GLRA1: variants seen among roughly 807,000 people sequenced by gnomAD.
GLRA1 encodes the protein glycine receptor subunit alpha-1.
A neutral mutation model predicts 48.3 loss-of-function variants in GLRA1; 37 were observed. The ratio of observed to expected loss-of-function variants is 0.77; its 90% CI spans 0.59 to 1.01. The LOEUF is 1.01. Among genes scored for constraint, GLRA1 ranks in the 50% least tolerant of loss-of-function variants. The pLI, the probability that GLRA1 is intolerant of heterozygous loss-of-function variation, is 0.00. For synonymous variants in GLRA1, 196 were observed against 210.7 expected (o/e 0.93, Z 0.60); for missense variants, 427 against 571.0 (o/e 0.75, Z 2.57).
intron 1 of GLRA1, among the ~76,000 whole-genome samples, chr5:151,901,381 G>T (rs1308712742): frequency 2.6e-5 from 4 of 152,192 alleles, no homozygotes; most frequent in Non-Finnish European, 4.4e-5. Flanking sequence ...GTGGCCCTCA[G>T]ATGAGTTACA....
Position 151,855,101 on chromosome 5 carries a change from C to A in GLRA1, c.636G>T (p.Leu212=). Residue 212 remains leucine, a synonymous_variant, in exon 6 of 9, where the codon CTG becomes CTT. Coordinates refer to ENST00000274576, the MANE Select transcript of GLRA1 (RefSeq NM_000171.4). The part of the protein sequence containing the change: ...GAVQVADGLT[L]PQFILKEEKD... ...TCTCTTCCTTCAAGATAAACTGGGGCAGAGTTAGTCCATCTGCTACCTGCA... is the reference window on the plus strand; with the variant it reads ...TCTCTTCCTTCAAGATAAACTGGGGAAGAGTTAGTCCATCTGCTACCTGCA... The A allele has an allele frequency of 6.2e-7, 1 of 1,613,974 alleles. No homozygotes were observed.
rs1314019855 is a variant in GLRA1, at chr5:151,849,113, TTTC to T, written c.912+2274_912+2276del. On this transcript the variant is annotated intron_variant, in intron 7 of 8. Coordinates refer to ENST00000274576, the MANE Select transcript of GLRA1 (RefSeq NM_000171.4). Reference sequence around the variant, plus strand: ...CTTTTTATTTCTTTTCTTTTCTTTCTTTCTTTCTTTCTTTCTTTCTTTCTTTCT... The same window carrying T: ...CTTTTTATTTCTTTTCTTTTCTTTCTTTTCTTTCTTTCTTTCTTTCTTTCT... 3.2e-4 allele frequency: 58 copies of T among 179,436 alleles called. 3 individuals are homozygous for T. The African/African-American group carries it at 3.8e-3, about 12-fold the overall frequency. The allele number at this position is 179,436 out of a possible 1,614,324, so 11.1% of individuals were successfully genotyped here.
At position 151,908,956 on chromosome 5, in the gene GLRA1, G is replaced by C. The variant is rs113212268; in HGVS notation, c.56+15538C>G. Among the ~76,000 whole-genome samples, 1,103 of 152,222 alleles carry C rather than the reference G, an allele frequency of 7.2e-3. 5 individuals carry two copies. Among genetic ancestry groups the C allele is most frequent in the Non-Finnish European group, 0.011 (775 of 68,010 alleles). ...ACTTGAATTGCCAAGGTGCCCTAAA[G>C]GGGTCCTAGGTTGGTAAGATCACTG... On this transcript the variant is annotated intron_variant, in intron 1 of 8. Coordinates refer to ENST00000274576, the MANE Select transcript of GLRA1 (RefSeq NM_000171.4).
intron 1 of GLRA1, among the ~76,000 whole-genome samples, chr5:151,924,212 A>G (rs1409948606): frequency 3.3e-5 from 5 of 151,932 alleles, no homozygotes; most frequent in African/African-American, 1.2e-4. Flanking sequence ...TGGGGGGTGT[A>G]GCAGACAGAA....
chr5:151,908,599 T>C (rs1754532773), intron 1 of GLRA1, among the ~76,000 whole-genome samples: 1 of 152,012 alleles, frequency 6.6e-6, no homozygotes, highest in Admixed American at 6.6e-5. Context: ...AGACCTGAGT[T>C]GAGTGCTCTT....
intron 1 of GLRA1, among the ~76,000 whole-genome samples, chr5:151,902,854 T>G (rs1343104367): frequency 6.6e-6 from 1 of 152,136 alleles, no homozygotes; most frequent in Non-Finnish European, 1.5e-5. Context: ...AAAAGTGAGG[T>G]CCATAGAGAT....
At chr5:151,833,878 CAAAG>C (rs200634173) in intron 7 of GLRA1, among the ~76,000 whole-genome samples, 5,667 of 138,952 alleles carry the variant, frequency 0.041, 354 homozygotes, top group African/African-American at 0.14. Flanking sequence ...TCAAAAAAGA[CAAAG>C]AAGGGCATTA....
intron 2 of GLRA1, among the ~76,000 whole-genome samples, chr5:151,890,887 C>G (rs1754049218): frequency 6.6e-6 from 1 of 151,122 alleles, no homozygotes; most frequent in South Asian, 2.1e-4. Flanking sequence ...GAACAAGGTG[C>G]AGGGGGAGTG....
At chr5:151,896,476 T>C (rs1345888528) in intron 1 of GLRA1, among the ~76,000 whole-genome samples, 3 of 152,238 alleles carry the variant, frequency 2.0e-5, no homozygotes, top group African/African-American at 7.2e-5. Context: ...CCCTCTTCTA[T>C]CCAAGCAAGT....
chr5:151,881,810 G>A (rs1490778621), intron 3 of GLRA1, among the ~76,000 whole-genome samples: 6 of 152,114 alleles, frequency 3.9e-5, no homozygotes, highest in East Asian at 1.9e-4. Context: ...TGTTAGCTCC[G>A]GTGAATAAAG....
At chr5:151,850,438 A>G in intron 7 of GLRA1, 1 of 1,145,094 alleles carries the variant, frequency 8.7e-7, no homozygotes, top group Non-Finnish European at 1.3e-6. Context: ...TGCCATACCA[A>G]CTTCAGCACC....
Position 151,848,201 on chromosome 5 carries a change from C to T in GLRA1, c.912+3189G>A, listed in dbSNP as rs577518858. ...CTTTCCCTAACTGATAAGGCTGGCT[C>T]GCTGTGCCTAGATTGTACAAACAAT... On this transcript the variant is annotated intron_variant, in intron 7 of 8. Coordinates refer to ENST00000274576, the MANE Select transcript of GLRA1 (RefSeq NM_000171.4). 2.8e-4 allele frequency among the ~76,000 whole-genome samples: 43 copies of T among 152,282 alleles called. No individual in the cohort carries two copies. In the South Asian group the frequency reaches 7.3e-3, roughly 26 times the overall value.
intron 4 of GLRA1, among the ~76,000 whole-genome samples, chr5:151,857,702 A>G (rs1753084899): frequency 6.6e-6 from 1 of 152,202 alleles, no homozygotes; most frequent in Non-Finnish European, 1.5e-5. Flanking sequence ...TTCAACCCTG[A>G]CAGAGGCCAC....
chr5:151,900,655 T>C (rs766934557), intron 1 of GLRA1, among the ~76,000 whole-genome samples: 6 of 152,140 alleles, frequency 3.9e-5, no homozygotes, highest in Non-Finnish European at 7.3e-5. Context: ...TTTGCTTACA[T>C]TATATTGACG....
chr5:151,890,926 G>A (rs1358999660), intron 2 of GLRA1, among the ~76,000 whole-genome samples: 6 of 152,154 alleles, frequency 3.9e-5, no homozygotes, highest in African/African-American at 1.2e-4. Flanking sequence ...TGGGGAGAGT[G>A]GGCCCAAACA....
At chr5:151,911,844 G>A (rs1249466059) in intron 1 of GLRA1, among the ~76,000 whole-genome samples, 2 of 151,868 alleles carry the variant, frequency 1.3e-5, no homozygotes, top group Non-Finnish European at 2.9e-5. Flanking sequence ...TCCTGACCTC[G>A]TGATCTGCCT....
intron 1 of GLRA1, among the ~76,000 whole-genome samples, chr5:151,892,663 C>CT (rs1754109540): frequency 6.6e-6 from 1 of 152,194 alleles, no homozygotes; most frequent in Admixed American, 6.5e-5. Context: ...CTGATTGATG[C>CT]TGAGAAGTCA....
chr5:151,855,206 C>T, intron 5 of GLRA1, 29 bp from the exon 6 acceptor site: 1 of 1,611,902 alleles, frequency 6.2e-7, no homozygotes, highest in Non-Finnish European at 8.5e-7. Flanking sequence ...AAGGAGCAGT[C>T]ACCACTCAGA....
At chr5:151,885,083 G>A (rs1753862920) in intron 3 of GLRA1, among the ~76,000 whole-genome samples, 1 of 152,186 alleles carries the variant, frequency 6.6e-6, no homozygotes, top group African/African-American at 2.4e-5. Context: ...TTGAATGTGG[G>A]AACAGTCTTC....
Sources: allele counts gnomAD v4.1 joint callset (sites outside exome capture counted in the v4.1 genomes callset), GRCh38; gene constraint gnomAD v4.1.1; transcripts MANE v1.5; gene names NCBI Gene and HGNC (gene_info 2026-07-23, HGNC 2026-07-21).